The following SBF2 variants were observed in gnomAD, a reference collection of about 807,000 sequenced individuals.
SBF2 encodes myotubularin-related protein 13.
A neutral mutation model predicts 225.2 loss-of-function variants in SBF2; 112 were observed. The observed-to-expected ratio is 0.50, with a 90% CI of 0.43 to 0.58. The LOEUF (loss-of-function observed/expected upper bound fraction) is 0.58, where lower values mean the gene tolerates loss of function less well. Among genes scored for constraint, SBF2 ranks in the 20% least tolerant of loss-of-function variants. The probability of loss-of-function intolerance (pLI) is 0.00; values close to 1 mark genes in which losing one functional copy is unlikely to be tolerated. For synonymous variants in SBF2, 763 were observed against 773.3 expected (o/e 0.99, Z 0.22); for missense variants, 1,996 against 2,206.2 (o/e 0.90, Z 1.91).
At position 10,294,160 on chromosome 11, in the gene SBF2, G is replaced by A; in HGVS notation, c.-91C>T. ...CCCGGGAGGGCTCAGCATTTTCCCT[G>A]CAGCGGCAGTAGCGGCAGCGGCAGC... is the stretch of plus-strand genomic sequence containing the variant. On this transcript the variant is annotated 5_prime_UTR_variant, in exon 1 of 40. It introduces an in-frame stop codon into an upstream open reading frame of the 5' UTR. Coordinates refer to ENST00000256190, the MANE Select transcript of SBF2 (RefSeq NM_030962.4). 1 of 989,070 alleles carries A rather than the reference G, an allele frequency of 1.0e-6. No homozygotes were observed. The highest frequency in any genetic ancestry group is 3.7e-4 in the Middle Eastern group (1 of 2,714). 61.3% of individuals were successfully genotyped at this position (989,070 alleles called of 1,614,324 possible).
intron 1 of SBF2, among the ~76,000 whole-genome samples, chr11:10,255,353 TTTTA>T (rs1380004325): frequency 6.6e-6 from 1 of 152,208 alleles, no homozygotes; most frequent in Non-Finnish European, 1.5e-5. Flanking sequence ...CACACATAAA[TTTTA>T]TTTGTCAATT....
intron 13 of SBF2, among the ~76,000 whole-genome samples, chr11:9,978,467 A>G (rs1590663798): frequency 6.6e-6 from 1 of 152,302 alleles, no homozygotes; most frequent in East Asian, 1.9e-4. Context: ...TAAATGAAAT[A>G]TAATTAGATT....
chr11:10,101,084 G>A (rs1041791815), intron 2 of SBF2, among the ~76,000 whole-genome samples: 1 of 152,096 alleles, frequency 6.6e-6, no homozygotes, highest in Non-Finnish European at 1.5e-5. Context: ...GGAATCTCTG[G>A]AGGAATTGCT....
At chr11:9,813,910 C>G (rs1011222751) in intron 29 of SBF2, among the ~76,000 whole-genome samples, 3 of 151,998 alleles carry the variant, frequency 2.0e-5, no homozygotes. Context: ...CCACTGCACT[C>G]CAGCGTGGGC....
intron 1 of SBF2, among the ~76,000 whole-genome samples, chr11:10,218,443 C>T (rs986652042): frequency 3.3e-5 from 5 of 151,044 alleles, no homozygotes; most frequent in South Asian, 2.1e-4. Context: ...AATACAATTC[C>T]ACCCCGGCCC....
At chr11:9,942,897 GAGAGAGAA>G (rs1338550733) in intron 16 of SBF2, among the ~76,000 whole-genome samples, 1 of 26,642 alleles carries the variant, frequency 3.8e-5, no homozygotes, top group Admixed American at 6.0e-4. Context: ...AAGAAAGAGA[GAGAGAGAA>G]AGAAAGAAAG....
chr11:10,229,221 C>T (rs1174486123), intron 1 of SBF2, among the ~76,000 whole-genome samples: 1 of 151,854 alleles, frequency 6.6e-6, no homozygotes, highest in Non-Finnish European at 1.5e-5. Flanking sequence ...TTCTTTATTA[C>T]TCTTGCTAGC....
At chr11:9,872,313 T>C (rs1316283857) in intron 17 of SBF2, among the ~76,000 whole-genome samples, 3 of 152,138 alleles carry the variant, frequency 2.0e-5, no homozygotes, top group African/African-American at 7.2e-5. Context: ...CACTGGGGCC[T>C]GTCAGAACAT....
rs1458921072 is a variant in SBF2, at chr11:9,998,367, T to A, written c.874A>T (p.Ile292Leu). 1 of 1,565,242 alleles carries A rather than the reference T, an allele frequency of 6.4e-7. No individual in the cohort carries two copies. Among genetic ancestry groups the A allele is most frequent in the Non-Finnish European group, 8.8e-7 (1 of 1,137,456 alleles). ...ATAGTGCCTCCATCCAAATCTGCTA[T>A]GATTACATCTAACTGAAAGAGATAA... ...TDVHELLDVIIADLDGGTIKI... is the reference protein window; with the variant it reads ...TDVHELLDVILADLDGGTIKI... The change falls in exon 9 of 40, where the codon ATA becomes TTA. Residue 292 changes from isoleucine (I) to leucine (L), a missense_variant. Transcript: ENST00000256190.
intron 1 of SBF2, among the ~76,000 whole-genome samples, chr11:10,196,866 A>ATATATATATATTTTTTTTTTTTTTTT: frequency 2.0e-5 from 2 of 99,312 alleles, no homozygotes; most frequent in African/African-American, 4.0e-5. Context: ...ATATATATAT[A>ATATATATATATTTTTTTTTTTTTTTT]TTTTTTTTTT....
intron 1 of SBF2, among the ~76,000 whole-genome samples, chr11:10,283,744 CA>C (rs1356829293): frequency 6.6e-6 from 1 of 152,170 alleles, no homozygotes; most frequent in African/African-American, 2.4e-5. Context: ...AATAACTTCA[CA>C]TATTAGAAGC....
chr11:10,037,690 GT>G (rs1269460755), intron 3 of SBF2, among the ~76,000 whole-genome samples: 1 of 143,386 alleles, frequency 7.0e-6, no homozygotes, highest in Non-Finnish European at 1.5e-5. Context: ...ATCTTTTTCT[GT>G]TCTCTCAAAT....
At chr11:10,235,400 G>A (rs542207429) in intron 1 of SBF2, among the ~76,000 whole-genome samples, 88 of 152,148 alleles carry the variant, frequency 5.8e-4, no homozygotes, top group African/African-American at 1.9e-3. Flanking sequence ...CGTGATGCAC[G>A]CCTGCAATCC....
chr11:9,888,443 G>A (rs570459920), intron 17 of SBF2, among the ~76,000 whole-genome samples: 62 of 151,688 alleles, frequency 4.1e-4, no homozygotes, highest in Admixed American at 3.4e-3. Flanking sequence ...GGTGGAGGTT[G>A]CAGTGAGCTG....
intron 1 of SBF2, among the ~76,000 whole-genome samples, chr11:10,216,641 G>A (rs1056357682): frequency 2.0e-5 from 3 of 152,110 alleles, no homozygotes; most frequent in Non-Finnish European, 2.9e-5. Context: ...AGGCCAAGGC[G>A]GGTGGATCAC....
intron 1 of SBF2, among the ~76,000 whole-genome samples, chr11:10,237,151 A>C (rs1959105183): frequency 1.3e-5 from 2 of 152,158 alleles, no homozygotes; most frequent in African/African-American, 4.8e-5. Flanking sequence ...GTTTGAGACC[A>C]GCCTGGCCAA....
At chr11:9,957,840 T>G (rs1445156685) in intron 16 of SBF2, 1 of 152,012 alleles carries the variant, frequency 6.6e-6, no homozygotes, top group Non-Finnish European at 1.5e-5. Flanking sequence ...CCTCTTCTTC[T>G]TTTAAGGTAG....
intron 16 of SBF2, among the ~76,000 whole-genome samples, chr11:9,949,232 C>T (rs79973722): frequency 0.018 from 2,718 of 152,150 alleles, 81 homozygotes; most frequent in African/African-American, 0.056. Context: ...TATTTGAAAA[C>T]CTAACTGAGT....
intron 23 of SBF2, 111 bp downstream of exon 23, chr11:9,846,845 C>T: frequency 8.4e-7 from 1 of 1,196,650 alleles, no homozygotes; most frequent in Non-Finnish European, 1.2e-6. Context: ...TATGATCTTC[C>T]CCATTCTCAT....
Sources: allele counts gnomAD v4.1 joint callset (sites outside exome capture counted in the v4.1 genomes callset), GRCh38; gene constraint gnomAD v4.1.1; transcripts MANE v1.5; gene names NCBI Gene and HGNC (gene_info 2026-07-23, HGNC 2026-07-21).